OCIAD1: variants seen among roughly 807,000 people sequenced by gnomAD.
The protein encoded by OCIAD1 is OCIA domain containing 1.
Under a neutral mutation model 38.9 loss-of-function variants are expected in OCIAD1, and 29 were observed. That is an observed-to-expected ratio of 0.74 (90% CI 0.55 to 1.02). The LOEUF (loss-of-function observed/expected upper bound fraction) is 1.02. Among genes scored for constraint, OCIAD1 ranks in the 50% least tolerant of loss-of-function variants. The probability of loss-of-function intolerance (pLI) is 0.00; values close to 1 mark genes in which losing one functional copy is unlikely to be tolerated. For missense variants in OCIAD1, 288 were observed against 289.6 expected, an observed-to-expected ratio of 0.99 and a Z score of 0.04; for synonymous variants, 110 against 92.0, an observed-to-expected ratio of 1.20 and a Z score of -1.12.
intron 7 of OCIAD1, chr4:48,856,126 A>G (rs1036355158): frequency 1.3e-5 from 2 of 151,806 alleles, no homozygotes; most frequent in African/African-American, 4.8e-5. Flanking sequence ...TATAAATTGT[A>G]TAAACTATGT....
chr4:48,855,809 C>CTG (rs1438444653), intron 7 of OCIAD1, among the ~76,000 whole-genome samples: 3 of 142,086 alleles, frequency 2.1e-5, no homozygotes, highest in African/African-American at 7.9e-5. Context: ...GAGTGAGACT[C>CTG]TGTCTCAAAA....
intron 1 of OCIAD1, among the ~76,000 whole-genome samples, chr4:48,823,904 T>C (rs1777222782): frequency 7.1e-6 from 1 of 141,550 alleles, no homozygotes; most frequent in Admixed American, 7.9e-5. Flanking sequence ...TGGCCTCATG[T>C]GATCCTTCTG....
At chr4:48,827,745 C>G (rs1171729520), upstream of OCIAD1, among the ~76,000 whole-genome samples, 1 of 152,228 alleles carries the variant, frequency 6.6e-6, no homozygotes. Flanking sequence ...ATAGACTTAT[C>G]AATCTACCAT....
chr4:48,847,480 G>A (rs1352768063), intron 4 of OCIAD1, among the ~76,000 whole-genome samples: 2 of 151,876 alleles, frequency 1.3e-5, no homozygotes, highest in South Asian at 2.1e-4. Context: ...TAAGATCTTC[G>A]TCTACTCTAA....
chr4:48,814,234 G>C (rs1237923637), intron 1 of OCIAD1, among the ~76,000 whole-genome samples: 6 of 151,094 alleles, frequency 4.0e-5, no homozygotes, highest in Non-Finnish European at 8.8e-5. Flanking sequence ...ACCTCCTGTG[G>C]AGGGGTTTTT....
Position 48,820,932 on chromosome 4 carries a change from C to T in OCIAD1, c.-102-9645C>T, listed in dbSNP as rs1340086187. On this transcript the variant is annotated intron_variant, in intron 1 of 6. Coordinates refer to the OCIAD1 transcript ENST00000504654. ...AATAGCCTACCAACCAACAAAAGCCCAGGACCAGACGAATTCACAGCCGAA... is the reference window on the plus strand; with the variant it reads ...AATAGCCTACCAACCAACAAAAGCCTAGGACCAGACGAATTCACAGCCGAA... 2.0e-5 allele frequency among the ~76,000 whole-genome samples: 3 copies of T among 152,202 alleles called. No homozygotes were observed. In the East Asian group the frequency reaches 5.8e-4, roughly 29 times the overall value.
chr4:48,811,886 A>C (rs1777091891), intron 1 of OCIAD1, among the ~76,000 whole-genome samples: 1 of 152,208 alleles, frequency 6.6e-6, no homozygotes, highest in Non-Finnish European at 1.5e-5. Context: ...TGTGGTGTCA[A>C]AGACCAGGAA....
chr4:48,833,561 A>C, intron 3 of OCIAD1, 80 bp downstream of exon 3: 1 of 869,572 alleles, frequency 1.1e-6, no homozygotes. Context: ...ACCTGAAATT[A>C]TAATAACTCC....
In OCIAD1 at chr4:48,848,455, G is replaced by C. The variant is rs553153143; in HGVS notation, c.241+9G>C. The C allele has an allele frequency of 7.3e-7, 1 of 1,366,994 alleles. No homozygotes were observed. Among genetic ancestry groups the C allele is most frequent in the South Asian group, 1.3e-5 (1 of 79,642 alleles). The allele number at this position is 1,366,994 out of a possible 1,614,324, so 84.7% of individuals were successfully genotyped here. On this transcript the variant is annotated intron_variant, in intron 5 of 8. Transcript: ENST00000264312. ...CATCCCTAAACTTATACGTAAGTAT[G>C]AACAACATTGTAGTTTTCATAGCTT...
chr4:48,810,107 C>CG (rs1777070052), intron 1 of OCIAD1, among the ~76,000 whole-genome samples: 1 of 151,910 alleles, frequency 6.6e-6, no homozygotes, highest in Non-Finnish European at 1.5e-5. Flanking sequence ...CTGGTGCTTG[C>CG]GAAATATTAG....
rs151300483 is a variant in OCIAD1 at position 48,831,296 on chromosome 4, C to A, written c.-6+47C>A. On this transcript the variant is annotated intron_variant, in intron 1 of 8. Coordinates refer to ENST00000264312, the MANE Select transcript of OCIAD1 (RefSeq NM_017830.4). The stretch of plus-strand genomic sequence containing the variant: ...GCCCCGTTGTTGCCCTCCGCGTATC[C>A]CCTCACCACCTTTGCGGCCATCCAC... 1.5e-3 allele frequency: 552 copies of A among 359,438 alleles called. 2 individuals are homozygous for A. The highest frequency in any genetic ancestry group is 0.011 in the African/African-American group (519 of 47,068). The allele number at this position is 359,438 out of a possible 1,614,324, so 22.3% of individuals were successfully genotyped here. A position where few individuals can be genotyped will look rare whatever the true frequency, so the allele number is the denominator to read the frequency against.
At chr4:48,832,545 TATC>T (rs1241319171) in intron 1 of OCIAD1, 72 bp from the exon 2 acceptor site, 4 of 1,072,014 alleles carry the variant, frequency 3.7e-6, no homozygotes, top group Non-Finnish European at 5.8e-6. Flanking sequence ...AGTTTTACTA[TATC>T]ATACGTCTTG....
chr4:48,818,346 A>G (rs780147614), intron 1 of OCIAD1, among the ~76,000 whole-genome samples: 19 of 152,210 alleles, frequency 1.2e-4, no homozygotes, highest in Non-Finnish European at 2.6e-4. Flanking sequence ...CTGCTAGAAG[A>G]AAAACTAACG....
At chr4:48,807,899 T>C (rs1777044964) in intron 1 of OCIAD1, among the ~76,000 whole-genome samples, 1 of 152,242 alleles carries the variant, frequency 6.6e-6, no homozygotes, top group Non-Finnish European at 1.5e-5. Flanking sequence ...CTGATGTCTC[T>C]AGACCGGATG....
intron 3 of OCIAD1, chr4:48,837,180 A>C (rs1281372829): frequency 6.7e-6 from 1 of 150,008 alleles, no homozygotes; most frequent in African/African-American, 2.5e-5. Context: ...TCACCGTGTT[A>C]ACCAGGATGG....
chr4:48,838,448 C>G (rs73815372), intron 3 of OCIAD1, among the ~76,000 whole-genome samples: 7,578 of 152,208 alleles, frequency 0.05, 331 homozygotes, highest in African/African-American at 0.11. Flanking sequence ...GGTAGCATTT[C>G]ACTCTCAAAA....
chr4:48,828,369 T>C (rs1777272745), upstream of OCIAD1, among the ~76,000 whole-genome samples: 2 of 152,216 alleles, frequency 1.3e-5, no homozygotes, highest in African/African-American at 2.4e-5. Context: ...CTCTGTACAA[T>C]GGACCAATCA....
chr4:48,816,106 T>G (rs1287185118), intron 1 of OCIAD1, among the ~76,000 whole-genome samples: 1 of 152,232 alleles, frequency 6.6e-6, no homozygotes, highest in Non-Finnish European at 1.5e-5. Context: ...CATTACCTTC[T>G]TCCTGCTAGT....
At position 48,816,672 on chromosome 4, in the gene OCIAD1, CT is replaced by C. The variant is rs1357930430; in HGVS notation, c.-103+11344del. On this transcript the variant is annotated intron_variant, in intron 1 of 6. Coordinates refer to the OCIAD1 transcript ENST00000504654. ...AACTTCTTAACTGTTTATTATTAGG[CT>C]TAAATTTGAAACGGTGGCAGGGCAC... Among the ~76,000 whole-genome samples, 6 of 152,144 alleles carry C rather than the reference CT, an allele frequency of 3.9e-5. No individual in the cohort carries two copies. In the East Asian group the frequency reaches 1.2e-3, roughly 29 times the overall value.
Sources: gnomAD v4.1 joint callset for allele counts (sites outside exome capture counted in the v4.1 genomes callset) on GRCh38, gnomAD v4.1.1 for gene constraint, MANE v1.5 for transcripts, NCBI Gene and HGNC (gene_info 2026-07-23, HGNC 2026-07-21) for gene names.